Variants in AP3B1 observed in about 807,000 individuals in gnomAD.
AP3B1 encodes AP-3 complex subunit beta-1.
A neutral mutation model predicts 132.5 loss-of-function variants in AP3B1; 61 were observed. That is an observed-to-expected ratio of 0.46 (90% CI 0.37 to 0.57). The LOEUF is 0.57. Ranked by LOEUF, AP3B1 falls within the 20% of genes least tolerant of loss-of-function variation. AP3B1 has a pLI of 0.00. For synonymous variants in AP3B1, 388 were observed against 438.3 expected (o/e 0.89, Z 1.43); for missense variants, 1,120 against 1,289.4 (o/e 0.87, Z 2.01).
At chr5:78,104,700 C>A (rs928591272) in intron 20 of AP3B1, among the ~76,000 whole-genome samples, 8 of 152,056 alleles carry the variant, frequency 5.3e-5, no homozygotes, top group Admixed American at 2.6e-4. Context: ...TTACTTTATC[C>A]CCAAGAATCT....
chr5:78,116,706 T>G (rs142931348), intron 17 of AP3B1, among the ~76,000 whole-genome samples: 67 of 152,100 alleles, frequency 4.4e-4, no homozygotes, highest in Middle Eastern at 3.4e-3. Context: ...AATCCTTGAC[T>G]TCTCTTTTTT....
At chr5:78,161,206 A>C (rs1743374600) in intron 13 of AP3B1, among the ~76,000 whole-genome samples, 1 of 151,994 alleles carries the variant, frequency 6.6e-6, no homozygotes, top group South Asian at 2.1e-4. Flanking sequence ...CAATAAAAAT[A>C]TTTTTTGAGA....
intron 22 of AP3B1, chr5:78,043,870 C>G: frequency 5.5e-6 from 2 of 362,770 alleles, no homozygotes; most frequent in Non-Finnish European, 1.1e-5. Flanking sequence ...ATTGACATGA[C>G]CAAGGCTGAT....
intron 22 of AP3B1, among the ~76,000 whole-genome samples, chr5:78,063,209 A>G (rs1749134673): frequency 6.6e-6 from 1 of 152,240 alleles, no homozygotes; most frequent in Non-Finnish European, 1.5e-5. Context: ...AGCACTTGTC[A>G]GCTTAACAAC....
chr5:78,015,361 T>C (rs781455284), intron 26 of AP3B1, 49 bp downstream of exon 26: 1 of 1,578,368 alleles, frequency 6.3e-7, no homozygotes, highest in South Asian at 1.1e-5. Context: ...TATATATTTA[T>C]ACATATTCAA....
chr5:78,290,939 G>T (rs1332520950), intron 1 of AP3B1, among the ~76,000 whole-genome samples: 1 of 152,090 alleles, frequency 6.6e-6, no homozygotes, highest in Non-Finnish European at 1.5e-5. Flanking sequence ...AACAGAGTAA[G>T]ACATGTCTCA....
At chr5:78,171,279 T>C (rs558560736) in intron 11 of AP3B1, among the ~76,000 whole-genome samples, 1 of 152,304 alleles carries the variant, frequency 6.6e-6, no homozygotes, top group Non-Finnish European at 1.5e-5. Context: ...AGGAAGTCAT[T>C]GGTAGCTTGA....
chr5:78,213,674 C>T (rs10053081), intron 7 of AP3B1, among the ~76,000 whole-genome samples: 41,461 of 151,972 alleles, frequency 0.27, 5,858 homozygotes, highest in Middle Eastern at 0.34. Flanking sequence ...AATGTTTTAT[C>T]CAAAGTAAAA....
chr5:78,097,254 C>G (rs1750879354), intron 21 of AP3B1, among the ~76,000 whole-genome samples: 1 of 137,654 alleles, frequency 7.3e-6, no homozygotes, highest in Non-Finnish European at 1.6e-5. Flanking sequence ...CAGCCCCCCG[C>G]CCGGCCAGCC....
chr5:78,285,764 A>G (rs1054183889), intron 1 of AP3B1, among the ~76,000 whole-genome samples: 4 of 152,284 alleles, frequency 2.6e-5, no homozygotes, highest in Admixed American at 1.3e-4. Flanking sequence ...TCCACCCTTG[A>G]TATCTTTTCT....
chr5:78,182,646 C>G (rs1327414083), intron 7 of AP3B1, among the ~76,000 whole-genome samples: 3 of 152,118 alleles, frequency 2.0e-5, no homozygotes, highest in Non-Finnish European at 4.4e-5. Context: ...TCTCTCTAGC[C>G]AAAGGACCAG....
At chr5:78,172,812 G>A (rs1410075396) in intron 11 of AP3B1, among the ~76,000 whole-genome samples, 2 of 152,174 alleles carry the variant, frequency 1.3e-5, no homozygotes, top group Admixed American at 6.5e-5. Context: ...GCTGTTGAAT[G>A]TGTTTGCTCT....
At chr5:78,166,075 G>A (rs1227695698) in intron 11 of AP3B1, among the ~76,000 whole-genome samples, 9 of 150,432 alleles carry the variant, frequency 6.0e-5, no homozygotes, top group East Asian at 2.0e-4. Context: ...AGCCGAGATC[G>A]CGCCATTGCA....
chr5:78,043,275 G>A (rs1228288812), intron 22 of AP3B1: 3 of 163,262 alleles, frequency 1.8e-5, no homozygotes, highest in Non-Finnish European at 3.9e-5. Flanking sequence ...GACCTAAGGT[G>A]CGCACCACCA....
intron 14 of AP3B1, among the ~76,000 whole-genome samples, chr5:78,142,101 T>C (rs1317318483): frequency 6.6e-6 from 1 of 152,244 alleles, no homozygotes. Flanking sequence ...TCCCAGTCTA[T>C]TATTTGGTCA....
intron 24 of AP3B1, among the ~76,000 whole-genome samples, chr5:78,030,943 G>A (rs988944944): frequency 1.3e-5 from 2 of 152,152 alleles, no homozygotes; most frequent in Non-Finnish European, 2.9e-5. Flanking sequence ...GCCTCCCAAC[G>A]TGCTAGGGTT....
intron 12 of AP3B1, among the ~76,000 whole-genome samples, 156 bp from the exon 13 acceptor site, chr5:78,163,107 AT>A (rs1483788781): frequency 1.3e-5 from 2 of 152,176 alleles, no homozygotes; most frequent in African/African-American, 2.4e-5. Context: ...GATTAATTTC[AT>A]TTTGTTTTGA....
chr5:78,198,610 C>T lies in AP3B1; in HGVS notation c.787-16948G>A, dbSNP rs532970434. On this transcript the variant is annotated intron_variant, in intron 7 of 26. Transcript: ENST00000255194. The stretch of plus-strand genomic sequence containing the variant: ...CCTGAGGCATTGCCTTTAAGAATAC[C>T]AACTTTTATCCATCTCTAAATATCA... Among the ~76,000 whole-genome samples, 15 of 152,214 alleles carry T rather than the reference C, an allele frequency of 9.9e-5. No individual in the cohort carries two copies. The East Asian group carries it at 2.9e-3, about 29-fold the overall frequency.
Position 78,161,359 on chromosome 5 carries a change from C to T in AP3B1, c.1363+1460G>A, listed in dbSNP as rs1743380563. On this transcript the variant is annotated intron_variant, in intron 13 of 26. Transcript: ENST00000255194. ...ACTAATCAGTGTTCTAACTAATTTC[C>T]GGTGCTTTCTGTATGTAACTAAAAT... Among the ~76,000 whole-genome samples, 4 of 151,894 alleles carry T rather than the reference C, an allele frequency of 2.6e-5. No homozygotes were observed. The South Asian group carries it at 8.3e-4, about 32-fold the overall frequency.
Sources: allele counts gnomAD v4.1 joint callset (sites outside exome capture counted in the v4.1 genomes callset), GRCh38; gene constraint gnomAD v4.1.1; transcripts MANE v1.5; gene names NCBI Gene and HGNC (gene_info 2026-07-23, HGNC 2026-07-21).